EPHA6: variants seen among roughly 807,000 people sequenced by gnomAD.
EPHA6 encodes the protein EPH receptor A6, also known as ephrin type-A receptor 6.
In EPHA6, 50 loss-of-function variants were observed where a neutral mutation model predicts 112.0. The ratio of observed to expected loss-of-function variants is 0.45; its 90% CI spans 0.36 to 0.56. The LOEUF is 0.56. Ranked by LOEUF, EPHA6 falls within the 20% of genes least tolerant of loss-of-function variation. EPHA6 has a pLI of 0.00. For missense variants in EPHA6, 1,280 were observed against 1,417.4 expected, an observed-to-expected ratio of 0.90 and a Z score of 1.56; for synonymous variants, 529 against 490.7, an observed-to-expected ratio of 1.08 and a Z score of -1.03.
At chr3:97,446,337 T>A (rs1359703914) in intron 6 of EPHA6, among the ~76,000 whole-genome samples, 1 of 152,144 alleles carries the variant, frequency 6.6e-6, no homozygotes, top group African/African-American at 2.4e-5. Context: ...TCCTACTGTT[T>A]GATTTTTATT....
At chr3:97,073,706 A>G (rs2046428195) in intron 3 of EPHA6, among the ~76,000 whole-genome samples, 1 of 152,078 alleles carries the variant, frequency 6.6e-6, no homozygotes, top group East Asian at 1.9e-4. Context: ...ATAAATCGCT[A>G]AGATTTTTTC....
At chr3:97,253,795 C>T (rs2079215170) in intron 5 of EPHA6, among the ~76,000 whole-genome samples, 1 of 151,908 alleles carries the variant, frequency 6.6e-6, no homozygotes, top group Non-Finnish European at 1.5e-5. Context: ...TTTTGACTTC[C>T]TGTTTCAAGG....
At chr3:96,856,163 A>C (rs2035683980) in intron 1 of EPHA6, among the ~76,000 whole-genome samples, 2 of 151,962 alleles carry the variant, frequency 1.3e-5, no homozygotes, top group Admixed American at 6.6e-5. Context: ...TCACTTGAGC[A>C]GGGGAGGTGG....
At chr3:97,120,493 G>C (rs957101313) in intron 3 of EPHA6, among the ~76,000 whole-genome samples, 2 of 151,788 alleles carry the variant, frequency 1.3e-5, no homozygotes, top group Non-Finnish European at 2.9e-5. Context: ...AATGTAGAAA[G>C]ACAAGTTGAT....
At chr3:97,654,774 G>A (rs2107616699) in intron 14 of EPHA6, among the ~76,000 whole-genome samples, 1 of 151,962 alleles carries the variant, frequency 6.6e-6, no homozygotes, top group African/African-American at 2.4e-5. Flanking sequence ...AGGAAACAAA[G>A]AAAGAAGAGC....
chr3:96,819,437 CT>C (rs2033073110), intron 1 of EPHA6, among the ~76,000 whole-genome samples: 2 of 152,058 alleles, frequency 1.3e-5, no homozygotes, highest in African/African-American at 4.8e-5. Flanking sequence ...CAGTAACTCT[CT>C]CTCTTTCTCT....
intron 3 of EPHA6, among the ~76,000 whole-genome samples, chr3:97,160,418 A>G (rs1438538470): frequency 6.6e-6 from 1 of 151,952 alleles, no homozygotes; most frequent in East Asian, 1.9e-4. Context: ...CTGGGATTAC[A>G]GGTGCCCCCC....
chr3:97,182,616 G>A (rs917942258), intron 3 of EPHA6, among the ~76,000 whole-genome samples: 3 of 152,018 alleles, frequency 2.0e-5, no homozygotes, highest in Non-Finnish European at 4.4e-5. Context: ...TACTCTTGTG[G>A]GAAAATATCA....
intron 2 of EPHA6, among the ~76,000 whole-genome samples, chr3:96,958,049 T>G (rs967093226): frequency 7.9e-5 from 12 of 152,218 alleles, no homozygotes; most frequent in African/African-American, 2.7e-4. Flanking sequence ...CAACTACTCA[T>G]TGAATATTAG....
intron 11 of EPHA6, among the ~76,000 whole-genome samples, chr3:97,536,970 T>C (rs1312202849): frequency 1.3e-5 from 2 of 152,146 alleles, no homozygotes; most frequent in African/African-American, 4.8e-5. Context: ...TCATGAGATG[T>C]TGGTGAGGTT....
At position 96,902,354 on chromosome 3, in the gene EPHA6, T is replaced by TA. The variant is rs573239298; in HGVS notation, c.450+35469dup. On this transcript the variant is annotated intron_variant, in intron 2 of 17. Coordinates refer to ENST00000389672, the MANE Select transcript of EPHA6 (RefSeq NM_001080448.3). ...CCAAAGTATTAGAATGATGGAGGAGTAAAAGGGGGAGAGACTATATGTAAT... is the reference window on the plus strand; with the variant it reads ...CCAAAGTATTAGAATGATGGAGGAGTAAAAAGGGGGAGAGACTATATGTAAT... 2.8e-4 allele frequency among the ~76,000 whole-genome samples: 42 copies of TA among 151,714 alleles called. No individual in the cohort carries two copies. The East Asian group carries it at 6.8e-3, about 24-fold the overall frequency.
intron 3 of EPHA6, among the ~76,000 whole-genome samples, chr3:97,144,167 C>A (rs983508268): frequency 6.6e-6 from 1 of 151,632 alleles, no homozygotes; most frequent in Non-Finnish European, 1.5e-5. Flanking sequence ...TTGATTTTGA[C>A]AACTTTCACA....
rs138411869 is a variant in EPHA6 at position 97,054,163 on chromosome 3, AACACACACACACAC to A, written c.1114+66190_1114+66203del. ...GCAGCAGATTCTGACATAACTATCT[AACACACACACACAC>A]ACACACACACACACACACAACAGAT... is the stretch of plus-strand genomic sequence containing the variant. On this transcript the variant is annotated intron_variant, in intron 3 of 17. Coordinates refer to ENST00000389672, the MANE Select transcript of EPHA6 (RefSeq NM_001080448.3). 3.4e-5 allele frequency among the ~76,000 whole-genome samples: 5 copies of A among 145,648 alleles called. No individual in the cohort carries two copies. The South Asian group carries it at 8.9e-4, about 26-fold the overall frequency.
At chr3:97,638,190 C>G (rs2093966815) in intron 14 of EPHA6, 108 bp downstream of exon 14, 1 of 779,938 alleles carries the variant, frequency 1.3e-6, no homozygotes, top group Non-Finnish European at 2.0e-6. Context: ...GTATTTATTA[C>G]TTTGCTAATT....
chr3:97,091,571 A>T (rs1490837862), intron 3 of EPHA6, among the ~76,000 whole-genome samples: 2 of 152,164 alleles, frequency 1.3e-5, no homozygotes, highest in Non-Finnish European at 2.9e-5. Flanking sequence ...AGAGGTCATC[A>T]TTTAATAACT....
chr3:97,287,340 T>G (rs1311059877), intron 5 of EPHA6, among the ~76,000 whole-genome samples: 1 of 152,092 alleles, frequency 6.6e-6, no homozygotes, highest in African/African-American at 2.4e-5. Flanking sequence ...TGCAGGTTTG[T>G]CACAACATCT....
intron 2 of EPHA6, among the ~76,000 whole-genome samples, chr3:96,967,016 A>G (rs1156605838): frequency 6.6e-6 from 1 of 151,892 alleles, no homozygotes; most frequent in Non-Finnish European, 1.5e-5. Context: ...GGAAAATAAC[A>G]TTTTCCTTGT....
At chr3:97,370,428 A>T (rs2084981858) in intron 5 of EPHA6, among the ~76,000 whole-genome samples, 1 of 152,140 alleles carries the variant, frequency 6.6e-6, no homozygotes, top group African/African-American at 2.4e-5. Context: ...TTTTTTCCCC[A>T]CCTATAAATA....
intron 14 of EPHA6, among the ~76,000 whole-genome samples, chr3:97,682,311 T>C (rs2031920175): frequency 6.6e-6 from 1 of 152,096 alleles, no homozygotes; most frequent in Non-Finnish European, 1.5e-5. Flanking sequence ...TAGAGAACTC[T>C]GATCCCTCAA....
Sources: allele counts gnomAD v4.1 joint callset (sites outside exome capture counted in the v4.1 genomes callset), GRCh38; gene constraint gnomAD v4.1.1; transcripts MANE v1.5; gene names NCBI Gene and HGNC (gene_info 2026-07-23, HGNC 2026-07-21).